The following WDR43 variants were observed in gnomAD, a reference collection of about 807,000 sequenced individuals.
WDR43 encodes WD repeat-containing protein 43.
WDR43 carries 13 observed loss-of-function variants against 91.4 expected under a neutral mutation model. That is an observed-to-expected ratio of 0.14 (90% confidence interval 0.09 to 0.23). The LOEUF is 0.23. Ranked by LOEUF, WDR43 falls within the 10% of genes least tolerant of loss-of-function variation. The pLI is 1.00. For missense variants in WDR43, 780 were observed against 809.4 expected (o/e 0.96, Z 0.44); for synonymous variants, 331 against 287.9 (o/e 1.15, Z -1.51).
At chr2:28,932,683 T>C (rs777634965) in intron 11 of WDR43, among the ~76,000 whole-genome samples, 10 of 152,284 alleles carry the variant, frequency 6.6e-5, no homozygotes, top group Non-Finnish European at 1.2e-4. Context: ...GTGACAGGGA[T>C]ACAACATGGC....
chr2:28,928,511 C>G (rs2148193049), intron 10 of WDR43, among the ~76,000 whole-genome samples: 1 of 152,220 alleles, frequency 6.6e-6, no homozygotes, highest in African/African-American at 2.4e-5. Flanking sequence ...TTTAATTTCC[C>G]CATGTCCTTT....
At chr2:28,920,230 T>TC (rs1670998191) in intron 6 of WDR43, among the ~76,000 whole-genome samples, 1 of 144,644 alleles carries the variant, frequency 6.9e-6, no homozygotes, top group Non-Finnish European at 1.5e-5. Flanking sequence ...CTTTCTTTTT[T>TC]TTTTTTTTTT....
intron 5 of WDR43, among the ~76,000 whole-genome samples, chr2:28,916,981 A>G (rs1670923256): frequency 6.6e-6 from 1 of 152,184 alleles, no homozygotes; most frequent in African/African-American, 2.4e-5. Flanking sequence ...AGCTTATTTA[A>G]CACATATTTT....
chr2:28,926,721 C>T (rs1027302403), intron 9 of WDR43, among the ~76,000 whole-genome samples, 167 bp downstream of exon 9: 7 of 152,044 alleles, frequency 4.6e-5, no homozygotes, highest in Non-Finnish European at 7.4e-5. Flanking sequence ...AGATTGTACT[C>T]CTGATTTGTT....
At chr2:28,923,660 A>G (rs1053966155) in intron 7 of WDR43, among the ~76,000 whole-genome samples, 1 of 152,196 alleles carries the variant, frequency 6.6e-6, no homozygotes, top group Non-Finnish European at 1.5e-5. Flanking sequence ...ACTCATTTCA[A>G]AACACCCAGG....
chr2:28,918,099 A>T lies in WDR43; in HGVS notation c.849+104A>T, dbSNP rs757340505. 37 of 948,220 alleles carry T rather than the reference A, an allele frequency of 3.9e-5. No homozygotes were observed. The Middle Eastern group carries it at 1.0e-3, about 26-fold the overall frequency. The allele number at this position is 948,220 out of a possible 1,614,324, so 58.7% of individuals were successfully genotyped here. ...TGACTTGAGAAATAGAGAGGACCTGAGGGAGTAACAACAAACTGTAACAAA... is the reference window on the plus strand; with the variant it reads ...TGACTTGAGAAATAGAGAGGACCTGTGGGAGTAACAACAAACTGTAACAAA... On this transcript the variant is annotated intron_variant, in intron 6 of 17. Transcript: ENST00000407426.
chr2:28,900,773 A>C (rs567648185), intron 1 of WDR43, among the ~76,000 whole-genome samples: 2 of 152,224 alleles, frequency 1.3e-5, no homozygotes, highest in East Asian at 3.9e-4. Flanking sequence ...TTATTAGTAC[A>C]TTTCTAAGGA....
Position 28,941,586 on chromosome 2 carries a change from ATAT to A in WDR43, c.1734+14_1734+16del, listed in dbSNP as rs1228094126. On this transcript the variant is annotated intron_variant, in intron 15 of 17. Coordinates refer to ENST00000407426, the MANE Select transcript of WDR43 (RefSeq NM_015131.3). ...TTCTAATTACACAAGTGAGTAAATC[ATAT>A]TGTTCTGGGCTAAAACTTTTGGACA... 2.5e-6 allele frequency: 4 copies of A among 1,588,194 alleles called. No individual in the cohort carries two copies. The highest frequency in any genetic ancestry group is 3.4e-6 in the Non-Finnish European group (4 of 1,161,688).
chr2:28,908,920 T>C (rs1670737679), intron 3 of WDR43, among the ~76,000 whole-genome samples: 1 of 152,190 alleles, frequency 6.6e-6, no homozygotes, highest in Non-Finnish European at 1.5e-5. Flanking sequence ...CCTTAGACTT[T>C]CCTATGTTTA....
intron 11 of WDR43, among the ~76,000 whole-genome samples, chr2:28,932,596 C>G (rs1475043935): frequency 1.3e-5 from 2 of 152,036 alleles, no homozygotes; most frequent in Admixed American, 1.3e-4. Context: ...AACGTTTTCC[C>G]CCTTCCCAAA....
At chr2:28,913,309 CA>C (rs1429492374) in intron 4 of WDR43, among the ~76,000 whole-genome samples, 1 of 151,768 alleles carries the variant, frequency 6.6e-6, no homozygotes, top group African/African-American at 2.4e-5. Flanking sequence ...TATGTATCCA[CA>C]AAAAAGAAAG....
In WDR43 at chr2:28,927,412, C is replaced by T. The variant is rs151072857; in HGVS notation, c.1174-157C>T. On this transcript the variant is annotated intron_variant, in intron 9 of 17. Coordinates refer to ENST00000407426, the MANE Select transcript of WDR43 (RefSeq NM_015131.3). The stretch of plus-strand genomic sequence containing the variant: ...TCAGATTGTCACTTAAAAAGTTTGT[C>T]AACATTCAATTTAAAATATATCTTA... The T allele has an allele frequency of 1.0e-3, 952 of 931,986 alleles. 10 individuals carry two copies. The African/African-American group carries it at 0.014, about 14-fold the overall frequency. The allele number at this position is 931,986 out of a possible 1,614,324, so 57.7% of individuals were successfully genotyped here.
intron 5 of WDR43, among the ~76,000 whole-genome samples, chr2:28,915,766 C>G (rs1294163554): frequency 6.6e-6 from 1 of 151,002 alleles, no homozygotes; most frequent in Non-Finnish European, 1.5e-5. Context: ...AAAGATAAAT[C>G]AAACCCCAGT....
intron 14 of WDR43, among the ~76,000 whole-genome samples, chr2:28,940,848 A>G (rs1245545035): frequency 2.0e-5 from 3 of 152,232 alleles, no homozygotes; most frequent in African/African-American, 4.8e-5. Context: ...CAAATATAAC[A>G]GCTATATTCT....
intron 1 of WDR43, 113 bp from the exon 2 acceptor site, chr2:28,901,874 C>CT: frequency 9.4e-7 from 1 of 1,065,356 alleles, no homozygotes; most frequent in South Asian, 1.9e-5. Context: ...TAGCTTCTCT[C>CT]TTCCCCCCTT....
chr2:28,896,342 A>G (rs1057208624), intron 1 of WDR43, among the ~76,000 whole-genome samples: 42 of 152,162 alleles, frequency 2.8e-4, no homozygotes, highest in Admixed American at 7.2e-4. Flanking sequence ...GAGGATAATA[A>G]TATCTTCTTC....
intron 7 of WDR43, among the ~76,000 whole-genome samples, chr2:28,924,353 G>A (rs1373580936): frequency 6.6e-6 from 1 of 152,128 alleles, no homozygotes; most frequent in African/African-American, 2.4e-5. Context: ...AGTGGTAGCT[G>A]GTATCTGGTG....
chr2:28,927,306 A>T (rs1040736607), intron 9 of WDR43: 18 of 460,646 alleles, frequency 3.9e-5, no homozygotes, highest in Middle Eastern at 4.4e-4. Flanking sequence ...TAAATATTTA[A>T]TAAGTTCTGA....
chr2:28,918,177 A>G (rs539625319), intron 6 of WDR43, among the ~76,000 whole-genome samples, 182 bp downstream of exon 6: 3 of 152,286 alleles, frequency 2.0e-5, no homozygotes, highest in Admixed American at 1.3e-4. Context: ...TTATGGGGGA[A>G]GGGAAAAGTT....
Sources: allele counts gnomAD v4.1 joint callset (sites outside exome capture counted in the v4.1 genomes callset), GRCh38; gene constraint gnomAD v4.1.1; transcripts MANE v1.5; gene names NCBI Gene and HGNC (gene_info 2026-07-23, HGNC 2026-07-21).